S100Z: variants seen among roughly 807,000 people sequenced by gnomAD.
S100Z encodes protein S100-Z.
In S100Z, 11 loss-of-function variants were observed where a neutral mutation model predicts 8.5. The ratio of observed to expected loss-of-function variants is 1.30; its 90% CI spans 0.82 to 2.15. S100Z has a LOEUF of 2.15. S100Z is among the 30% of genes most tolerant of loss of function. The pLI is 0.00. For synonymous variants in S100Z, 34 were observed against 43.8 expected (o/e 0.78, Z 0.89); for missense variants, 126 against 117.9 (o/e 1.07, Z -0.32).
chr5:76,883,054 C>T (rs1167830987), intron 4 of S100Z, among the ~76,000 whole-genome samples: 2 of 152,076 alleles, frequency 1.3e-5, no homozygotes, highest in African/African-American at 4.8e-5. Context: ...GGAGAGTTTA[C>T]AGGCTTTAAA....
the S100Z span, among the ~76,000 whole-genome samples, chr5:76,927,671 A>G: frequency 5.2e-5 from 8 of 152,384 alleles, no homozygotes; most frequent in Admixed American, 5.2e-4. Flanking sequence ...TTGATGAAAG[A>G]AGAAATAAGG....
chr5:76,864,455 G>A (rs950093398), intron 1 of S100Z, among the ~76,000 whole-genome samples: 2 of 129,184 alleles, frequency 1.5e-5, no homozygotes, highest in African/African-American at 5.9e-5. Flanking sequence ...AGGCTGGAGT[G>A]CAGTGGCACA....
At chr5:76,915,633 A>C (rs1744831239) in intron 4 of S100Z, among the ~76,000 whole-genome samples, 1 of 151,862 alleles carries the variant, frequency 6.6e-6, no homozygotes, top group Admixed American at 6.6e-5. Context: ...ATAAAAAATA[A>C]AAATAAATAA....
intron 4 of S100Z, among the ~76,000 whole-genome samples, chr5:76,894,174 G>T (rs541992849): frequency 6.6e-6 from 1 of 152,182 alleles, no homozygotes; most frequent in East Asian, 1.9e-4. Flanking sequence ...GTAAAACTTT[G>T]GTCTCTACCA....
rs57865301 is a variant in S100Z, at chr5:76,867,584, CTT to C, written c.-175-2572_-175-2571del. 3.4e-4 allele frequency among the ~76,000 whole-genome samples: 49 copies of C among 144,390 alleles called. 1 individual carries two copies. The highest frequency in any genetic ancestry group is 8.4e-4 in the African/African-American group (33 of 39,080). The allele number at this position is 144,390 out of a possible 152,430, so 94.7% of individuals were successfully genotyped here. Reference sequence around the variant, plus strand: ...TTTTTTTTCTCTAAAATCATCCTTACTTTTTTTTTTTCTTTTTTTTTTTTTGA... The same window carrying C: ...TTTTTTTTCTCTAAAATCATCCTTACTTTTTTTTTCTTTTTTTTTTTTTGA... On this transcript the variant is annotated intron_variant, in intron 1 of 4. Transcript: ENST00000317593.
intron 4 of S100Z, among the ~76,000 whole-genome samples, chr5:76,895,765 C>CTTTTTTTTTTTT: frequency 1.1e-5 from 1 of 88,336 alleles, no homozygotes; most frequent in Non-Finnish European, 2.3e-5. Flanking sequence ...TCTTTTCTTC[C>CTTTTTTTTTTTT]TTTTTTTTTT....
intron 1 of S100Z, among the ~76,000 whole-genome samples, chr5:76,865,954 G>C (rs1419288472): frequency 6.6e-6 from 1 of 151,322 alleles, no homozygotes; most frequent in Non-Finnish European, 1.5e-5. Flanking sequence ...AGCAGAGGTT[G>C]CAGTGAGCTG....
intron 4 of S100Z, among the ~76,000 whole-genome samples, chr5:76,908,774 GC>G (rs916045347): frequency 4.6e-5 from 7 of 152,154 alleles, no homozygotes; most frequent in Non-Finnish European, 1.0e-4. Context: ...TCAGGGTATG[GC>G]CCTTCACTTC....
At chr5:76,857,898 C>A (rs1473642344) in intron 1 of S100Z, among the ~76,000 whole-genome samples, 1 of 152,172 alleles carries the variant, frequency 6.6e-6, no homozygotes. Context: ...TAAAATGTAA[C>A]TCCATGAGCT....
intron 4 of S100Z, among the ~76,000 whole-genome samples, chr5:76,891,604 C>A (rs911682928): frequency 1.3e-4 from 19 of 151,982 alleles, no homozygotes; most frequent in Non-Finnish European, 4.4e-5. Flanking sequence ...GCTGATGGTG[C>A]CAATAGAGAT....
chr5:76,945,278 G>A, the S100Z span, among the ~76,000 whole-genome samples: 3 of 152,158 alleles, frequency 2.0e-5, no homozygotes, highest in Admixed American at 6.5e-5. Flanking sequence ...CTGGAAAGCC[G>A]GGTATTGTCC....
At chr5:76,888,126 G>A (rs1357680307) in intron 4 of S100Z, among the ~76,000 whole-genome samples, 2 of 151,460 alleles carry the variant, frequency 1.3e-5, no homozygotes, top group Non-Finnish European at 2.9e-5. Context: ...GCATGGTAGT[G>A]TGTGCCTGTA....
Position 76,921,191 on chromosome 5 carries a change from C to A in S100Z, c.*477C>A, listed in dbSNP as rs1315914008. The stretch of plus-strand genomic sequence containing the variant: ...TACACCAAAAAATATCTTTTGTTAT[C>A]TATATAGTTCCAGCTTAATAAATAT... On this transcript the variant is annotated 3_prime_UTR_variant, in exon 5 of 5. Transcript: ENST00000317593. 1 of 152,050 alleles carries A rather than the reference C, an allele frequency of 6.6e-6. No homozygotes were observed. Among genetic ancestry groups the A allele is most frequent in the East Asian group, 1.9e-4 (1 of 5,198 alleles). 9.4% of individuals were successfully genotyped at this position (152,050 alleles called of 1,614,324 possible). A position where few individuals can be genotyped will look rare whatever the true frequency, so the allele number is the denominator to read the frequency against.
At chr5:76,915,234 G>A (rs1233612105) in intron 4 of S100Z, among the ~76,000 whole-genome samples, 1 of 151,648 alleles carries the variant, frequency 6.6e-6, no homozygotes, top group African/African-American at 2.4e-5. Flanking sequence ...AAACCTGGGA[G>A]GCGGAGCTTG....
the S100Z span, among the ~76,000 whole-genome samples, chr5:76,950,695 A>G: frequency 1.1e-3 from 161 of 152,362 alleles, no homozygotes; most frequent in African/African-American, 3.3e-3. Flanking sequence ...GTAATTTCCA[A>G]TCAGCATACT....
intron 4 of S100Z, among the ~76,000 whole-genome samples, chr5:76,912,458 G>T (rs1310983358): frequency 6.6e-6 from 1 of 152,186 alleles, no homozygotes; most frequent in Non-Finnish European, 1.5e-5. Context: ...TTATGTCATA[G>T]TTAATGATGT....
intron 1 of S100Z, among the ~76,000 whole-genome samples, chr5:76,866,196 C>T (rs936231737): frequency 4.6e-5 from 7 of 151,736 alleles, no homozygotes; most frequent in African/African-American, 4.8e-5. Flanking sequence ...GTGGTCCCCC[C>T]ACCTCAGCCT....
intron 1 of S100Z, among the ~76,000 whole-genome samples, chr5:76,865,993 C>T (rs1041939710): frequency 1.0e-4 from 15 of 147,264 alleles, no homozygotes; most frequent in Middle Eastern, 3.6e-3. Context: ...CCAGCCTGGG[C>T]GACAGAGTGA....
At chr5:76,939,142 G>T in the S100Z span, among the ~76,000 whole-genome samples, 2 of 125,816 alleles carry the variant, frequency 1.6e-5, no homozygotes, top group African/African-American at 5.7e-5. Flanking sequence ...TTAAGTTTGG[G>T]GCTGCAAATT....
Sources: allele counts gnomAD v4.1 joint callset (sites outside exome capture counted in the v4.1 genomes callset), GRCh38; gene constraint gnomAD v4.1.1; transcripts MANE v1.5; gene names NCBI Gene and HGNC (gene_info 2026-07-23, HGNC 2026-07-21).